SLC36A4: variants seen among roughly 807,000 people sequenced by gnomAD.
The protein encoded by SLC36A4 is neutral amino acid uniporter 4.
In SLC36A4, 49 loss-of-function variants were observed where a neutral mutation model predicts 50.5. That is an observed-to-expected ratio of 0.97 (90% CI 0.77 to 1.23). The LOEUF (loss-of-function observed/expected upper bound fraction) is 1.23. Ranked by LOEUF, SLC36A4 falls within the 50% of genes most tolerant of loss-of-function variation. The pLI is 0.00. For missense variants in SLC36A4, 611 were observed against 608.4 expected (o/e 1.00, Z -0.05); for synonymous variants, 207 against 206.5 (o/e 1.00, Z -0.02).
chr11:93,146,492 C>T lies in SLC36A4; in HGVS notation c.*2045G>A, dbSNP rs1859847121. On this transcript the variant is annotated 3_prime_UTR_variant, in exon 11 of 11. Transcript: ENST00000326402. Reference sequence around the variant, plus strand: ...AGAATTGATATAAAAGTATCTCAAACAATTACTGTTGATACCTAATGTGAA... The same window carrying T: ...AGAATTGATATAAAAGTATCTCAAATAATTACTGTTGATACCTAATGTGAA... 6.6e-6 allele frequency: 1 copy of T among 151,922 alleles called. No individual in the cohort carries two copies. The highest frequency in any genetic ancestry group is 1.5e-5 in the Non-Finnish European group (1 of 67,926). 9.4% of individuals were successfully genotyped at this position (151,922 alleles called of 1,614,324 possible).
At chr11:93,163,929 G>T (rs1239708867) in intron 8 of SLC36A4, among the ~76,000 whole-genome samples, 1 of 151,886 alleles carries the variant, frequency 6.6e-6, no homozygotes, top group Non-Finnish European at 1.5e-5. Flanking sequence ...TGGCTTCTGT[G>T]GTCCTTTGAC....
intron 7 of SLC36A4, chr11:93,167,344 A>C (rs1860920217): frequency 6.6e-6 from 1 of 152,140 alleles, no homozygotes; most frequent in African/African-American, 2.4e-5. Context: ...AGCAAAACAC[A>C]TACATACATA....
In SLC36A4 at chr11:93,181,758, C is replaced by G; in HGVS notation, c.388G>C (p.Asp130His). Residue 130 changes from aspartate (D) to histidine (H), a missense_variant, in exon 5 of 11, where the codon GAC becomes CAC. By Grantham distance (81) the Asp-to-His change is moderately conservative (BLOSUM62 -1). Coordinates refer to ENST00000326402, the MANE Select transcript of SLC36A4 (RefSeq NM_152313.4). Reference protein sequence around the residue: ...RFKKSTLGYSDTVSFAMEVSP... With the variant: ...RFKKSTLGYSHTVSFAMEVSP... ...ACTTCCATAGCAAAGCTCACAGTGT[C>G]ACTATAACCTAATGTTGACTTTTTA... 1.3e-6 allele frequency: 2 copies of G among 1,554,612 alleles called. No homozygotes were observed. Among genetic ancestry groups the G allele is most frequent in the Non-Finnish European group, 1.7e-6 (2 of 1,144,984 alleles).
intron 1 of SLC36A4, 79 bp downstream of exon 1, chr11:93,197,699 G>A: frequency 1.4e-6 from 2 of 1,462,298 alleles, no homozygotes; most frequent in Non-Finnish European, 1.9e-6. Flanking sequence ...CGGGGCCCCT[G>A]GAGGTGTGGG....
rs974143534 is a variant in SLC36A4, at chr11:93,174,895, G to T, written c.540+5902C>A. The stretch of plus-strand genomic sequence containing the variant: ...TGCATCAATGTTCATCAAGGATATT[G>T]GTCTAAAATTCTCTTTTTTGGTTGT... On this transcript the variant is annotated intron_variant, in intron 6 of 10. Coordinates refer to ENST00000326402, the MANE Select transcript of SLC36A4 (RefSeq NM_152313.4). Among the ~76,000 whole-genome samples, 10 of 141,550 alleles carry T rather than the reference G, an allele frequency of 7.1e-5. 1 individual carries two copies. Among genetic ancestry groups the T allele is most frequent in the African/African-American group, 1.3e-4 (5 of 38,526 alleles). 92.9% of individuals were successfully genotyped at this position (141,550 alleles called of 152,430 possible).
At position 93,157,201 on chromosome 11, in the gene SLC36A4, A is replaced by G. The variant is rs1860406772; in HGVS notation, c.1038-2924T>C. Among the ~76,000 whole-genome samples the G allele has an allele frequency of 2.0e-5, 3 of 151,998 alleles. 1 individual carries two copies. In the South Asian group the frequency reaches 6.2e-4, roughly 32 times the overall value. Reference sequence around the variant, plus strand: ...GCTCTCTATTCTGTTCCATTGGTCTATGTGTCTGTTTTTGTTCCAGTACAA... The same window carrying G: ...GCTCTCTATTCTGTTCCATTGGTCTGTGTGTCTGTTTTTGTTCCAGTACAA... On this transcript the variant is annotated intron_variant, in intron 9 of 10. Transcript: ENST00000326402.
At chr11:93,182,217 T>C in intron 4 of SLC36A4, 1 of 466,824 alleles carries the variant, frequency 2.1e-6, no homozygotes, top group Non-Finnish European at 2.8e-6. Context: ...TCCCATGAGG[T>C]AGGTATTATT....
Position 93,148,044 on chromosome 11 carries a change from T to G in SLC36A4, c.*493A>C, listed in dbSNP as rs1859912666. On this transcript the variant is annotated 3_prime_UTR_variant, in exon 11 of 11. Coordinates refer to ENST00000326402, the MANE Select transcript of SLC36A4 (RefSeq NM_152313.4). The stretch of plus-strand genomic sequence containing the variant: ...CTTCCAGGAGCCAATCATTAGAATT[T>G]GGCTAATAAAAACATAACTGAGATT... 6.6e-6 allele frequency: 1 copy of G among 152,248 alleles called. No individual in the cohort carries two copies. The highest frequency in any genetic ancestry group is 6.6e-5 in the Admixed American group (1 of 15,220). The allele number at this position is 152,248 out of a possible 1,614,324, so 9.4% of individuals were successfully genotyped here. A position where few individuals can be genotyped will look rare whatever the true frequency, so the allele number is the denominator to read the frequency against.
intron 6 of SLC36A4, among the ~76,000 whole-genome samples, chr11:93,172,367 C>G (rs1861189998): frequency 6.6e-6 from 1 of 151,902 alleles, no homozygotes; most frequent in South Asian, 2.1e-4. Context: ...GCAGTATACA[C>G]TGCACCATAT....
At chr11:93,160,855 TA>T in intron 9 of SLC36A4, 2 of 718,770 alleles carry the variant, frequency 2.8e-6, no homozygotes, top group Non-Finnish European at 3.4e-6. Flanking sequence ...TTATTAATAT[TA>T]TTGAGACAAA....
At chr11:93,158,857 C>G (rs1297683350) in intron 9 of SLC36A4, among the ~76,000 whole-genome samples, 1 of 151,988 alleles carries the variant, frequency 6.6e-6, no homozygotes, top group East Asian at 1.9e-4. Context: ...GAATAATAAA[C>G]TTTCTTAAAG....
intron 10 of SLC36A4, among the ~76,000 whole-genome samples, chr11:93,151,638 T>G (rs987429148): frequency 2.0e-5 from 3 of 152,106 alleles, no homozygotes; most frequent in Non-Finnish European, 4.4e-5. Context: ...TTTAGTGGGT[T>G]TTCTCTACAA....
At chr11:93,194,491 C>T (rs1391005635) in intron 1 of SLC36A4, among the ~76,000 whole-genome samples, 4 of 152,148 alleles carry the variant, frequency 2.6e-5, no homozygotes, top group African/African-American at 9.7e-5. Flanking sequence ...AAATAAAGTG[C>T]AGACCTTAAG....
At chr11:93,187,334 A>C (rs1375073204) in intron 1 of SLC36A4, among the ~76,000 whole-genome samples, 2 of 152,170 alleles carry the variant, frequency 1.3e-5, no homozygotes, top group African/African-American at 4.8e-5. Flanking sequence ...CCAGGGCTAC[A>C]GTGGGCCCCT....
Position 93,185,782 on chromosome 11 carries a change from G to C in SLC36A4, c.88C>G (p.Gln30Glu), listed in dbSNP as rs991744004. Residue 30 changes from glutamine (Q) to glutamate (E), a missense_variant, in exon 2 of 11, where the codon CAG becomes GAG. By Grantham distance (29) the Gln-to-Glu change is conservative. Coordinates refer to ENST00000326402, the MANE Select transcript of SLC36A4 (RefSeq NM_152313.4). The part of the protein sequence containing the change: ...MDVMRPLINE[Q>E]NFDGTSDEEH... Reference sequence around the variant, plus strand: ...TCATCTGATGTCCCATCAAAATTCTGCTCATTTATCAAGGGCCTCATTACA... The same window carrying C: ...TCATCTGATGTCCCATCAAAATTCTCCTCATTTATCAAGGGCCTCATTACA... 1 of 1,607,372 alleles carries C rather than the reference G, an allele frequency of 6.2e-7. No homozygotes were observed. Among genetic ancestry groups the C allele is most frequent in the Non-Finnish European group, 8.5e-7 (1 of 1,178,160 alleles).
chr11:93,149,454 A>T (rs555752762), intron 10 of SLC36A4, among the ~76,000 whole-genome samples: 2 of 152,022 alleles, frequency 1.3e-5, no homozygotes, highest in South Asian at 4.1e-4. Flanking sequence ...CAGTGGAGAA[A>T]TAAGTCAACA....
rs184529528 is a variant in SLC36A4 at position 93,186,428 on chromosome 11, G to A, written c.56-614C>T. On this transcript the variant is annotated intron_variant, in intron 1 of 10. Coordinates refer to ENST00000326402, the MANE Select transcript of SLC36A4 (RefSeq NM_152313.4). ...ATTCCTCTTAGCAATTTTTTCCTCC[G>A]TCCAGGATTATATATTGCATTTAAT... Among the ~76,000 whole-genome samples the A allele has an allele frequency of 7.5e-3, 1,132 of 151,694 alleles. 12 individuals are homozygous for A. The highest frequency in any genetic ancestry group is 0.026 in the African/African-American group (1,057 of 41,354).
At chr11:93,188,469 G>A (rs1164550813) in intron 1 of SLC36A4, among the ~76,000 whole-genome samples, 1 of 152,194 alleles carries the variant, frequency 6.6e-6, no homozygotes, top group Non-Finnish European at 1.5e-5. Context: ...AGTCAAAACT[G>A]ATGAGGATTT....
chr11:93,150,824 A>G lies in SLC36A4; in HGVS notation c.1208-1980T>C, dbSNP rs554283349. On this transcript the variant is annotated intron_variant, in intron 10 of 10. Coordinates refer to ENST00000326402, the MANE Select transcript of SLC36A4 (RefSeq NM_152313.4). ...ATGTTTGTTTCACCTACTTATAGTA[A>G]GTAGTAGTATAAAAGTGAGGCCAGA... is the stretch of plus-strand genomic sequence containing the variant. Among the ~76,000 whole-genome samples the G allele has an allele frequency of 2.6e-5, 4 of 152,168 alleles. No individual in the cohort carries two copies. In the South Asian group the frequency reaches 8.3e-4, roughly 32 times the overall value.
Sources: gnomAD v4.1 joint callset for allele counts (sites outside exome capture counted in the v4.1 genomes callset) on GRCh38, gnomAD v4.1.1 for gene constraint, MANE v1.5 for transcripts, NCBI Gene and HGNC (gene_info 2026-07-23, HGNC 2026-07-21) for gene names.